Variants in LRP1B observed in about 807,000 individuals in gnomAD.
LRP1B encodes low-density lipoprotein receptor-related protein 1B.
LRP1B carries 217 observed loss-of-function variants against 556.6 expected under a neutral mutation model. That is an observed-to-expected ratio of 0.39 (90% CI 0.35 to 0.44). The LOEUF is 0.44. LRP1B is among the 20% of genes least tolerant of loss of function. LRP1B has a pLI of 1.00. For missense variants in LRP1B, 5,053 were observed against 5,620.8 expected (o/e 0.90, Z 3.23); for synonymous variants, 2,047 against 1,865.8 (o/e 1.10, Z -2.50).
chr2:141,062,017 C>A, intron 8 of LRP1B, 34 bp downstream of exon 8: 1 of 1,557,542 alleles, frequency 6.4e-7, no homozygotes, highest in Non-Finnish European at 8.8e-7. Flanking sequence ...CTTTTTATTA[C>A]CCTAGGAGCG....
intron 41 of LRP1B, among the ~76,000 whole-genome samples, chr2:140,624,935 GTA>G (rs1460099613): frequency 2.0e-5 from 3 of 152,152 alleles, no homozygotes; most frequent in Non-Finnish European, 4.4e-5. Context: ...AAGAAACAGC[GTA>G]TGTCAAAGCT....
At chr2:141,096,690 G>GAGAGAGAA (rs1700331078) in intron 7 of LRP1B, among the ~76,000 whole-genome samples, 1 of 102,036 alleles carries the variant, frequency 9.8e-6, no homozygotes, top group Non-Finnish European at 2.1e-5. Context: ...GAGAGAGAGA[G>GAGAGAGAA]AAAATAAATA....
chr2:140,795,978 C>G (rs891909900), intron 32 of LRP1B, among the ~76,000 whole-genome samples: 2 of 151,968 alleles, frequency 1.3e-5, no homozygotes, highest in Non-Finnish European at 2.9e-5. Context: ...ATTTTCCACT[C>G]TAAACACTGT....
chr2:140,667,789 A>T (rs916250416), intron 41 of LRP1B, among the ~76,000 whole-genome samples: 4 of 152,154 alleles, frequency 2.6e-5, no homozygotes, highest in Non-Finnish European at 5.9e-5. Context: ...GCTCTGTAAG[A>T]CATTAATTAC....
Position 141,136,740 on chromosome 2 carries a change from G to A in LRP1B, c.1013+51681C>T, listed in dbSNP as rs146913117. Among the ~76,000 whole-genome samples the A allele has an allele frequency of 3.5e-4, 53 of 151,704 alleles. No individual in the cohort carries two copies. In the East Asian group the frequency reaches 9.5e-3, roughly 27 times the overall value. ...ATTAGCTACATAAATTGCTATTAAT[G>A]CCCTGAAACTGCCAATTAGGGAGGA... On this transcript the variant is annotated intron_variant, in intron 7 of 90. Transcript: ENST00000389484.
intron 6 of LRP1B, among the ~76,000 whole-genome samples, chr2:141,212,247 A>G (rs1682588554): frequency 1.3e-5 from 1 of 79,546 alleles, no homozygotes; most frequent in East Asian, 6.0e-4. Flanking sequence ...CAAAAAGTCT[A>G]GATTTTTTTT....
intron 1 of LRP1B, among the ~76,000 whole-genome samples, chr2:141,889,316 G>A (rs563726974): frequency 3.3e-5 from 5 of 152,252 alleles, no homozygotes; most frequent in Admixed American, 1.3e-4. Flanking sequence ...TGATAAGAAT[G>A]CTGTTTCTAA....
chr2:140,885,381 T>C (rs1436390847), intron 24 of LRP1B, among the ~76,000 whole-genome samples: 2 of 150,498 alleles, frequency 1.3e-5, no homozygotes, highest in Non-Finnish European at 3.0e-5. Flanking sequence ...TGAGATAAAG[T>C]ATTCTGTTGC....
chr2:141,121,137 G>T (rs1701037119), intron 7 of LRP1B, among the ~76,000 whole-genome samples: 1 of 151,998 alleles, frequency 6.6e-6, no homozygotes, highest in African/African-American at 2.4e-5. Flanking sequence ...GTAAATCTCA[G>T]TTTCCTCATC....
At chr2:140,510,454 T>C (rs1689603615) in intron 51 of LRP1B, among the ~76,000 whole-genome samples, 1 of 152,226 alleles carries the variant, frequency 6.6e-6, no homozygotes, top group Non-Finnish European at 1.5e-5. Flanking sequence ...CTTAACATAT[T>C]AACTCATTTA....
chr2:140,472,375 C>T (rs1156229163), intron 60 of LRP1B, among the ~76,000 whole-genome samples: 2 of 152,042 alleles, frequency 1.3e-5, no homozygotes, highest in East Asian at 1.9e-4. Flanking sequence ...ATTAATATTA[C>T]ATCATATGTT....
At chr2:141,158,438 T>C (rs977045543) in intron 7 of LRP1B, among the ~76,000 whole-genome samples, 4 of 152,144 alleles carry the variant, frequency 2.6e-5, no homozygotes, top group African/African-American at 9.6e-5. Context: ...GACAAATCAG[T>C]GAAGCAGAGA....
intron 47 of LRP1B, among the ~76,000 whole-genome samples, chr2:140,530,990 T>C (rs761632747): frequency 1.3e-5 from 2 of 152,138 alleles, no homozygotes; most frequent in Admixed American, 1.3e-4. Context: ...AATCTATTTA[T>C]ATTTTAGAAG....
intron 41 of LRP1B, among the ~76,000 whole-genome samples, chr2:140,696,531 C>A (rs1686435447): frequency 6.6e-6 from 1 of 151,992 alleles, no homozygotes; most frequent in African/African-American, 2.4e-5. Flanking sequence ...TAATTTAAGA[C>A]AAAAATCATT....
chr2:141,008,162 A>T (rs1442264489), intron 14 of LRP1B, among the ~76,000 whole-genome samples: 2 of 151,402 alleles, frequency 1.3e-5, no homozygotes, highest in Non-Finnish European at 3.0e-5. Context: ...GGTGCTAAAA[A>T]TTTTTATACC....
At chr2:141,255,439 G>C (rs1684424397) in intron 3 of LRP1B, among the ~76,000 whole-genome samples, 1 of 151,984 alleles carries the variant, frequency 6.6e-6, no homozygotes, top group African/African-American at 2.4e-5. Flanking sequence ...ATTGATATTT[G>C]CCAAGAGTTT....
rs376962554 is a variant in LRP1B, at chr2:142,090,643, C to G, written c.82+40005G>C. Among the ~76,000 whole-genome samples, 7 of 152,166 alleles carry G rather than the reference C, an allele frequency of 4.6e-5. No individual in the cohort carries two copies. The South Asian group carries it at 1.5e-3, about 32-fold the overall frequency. On this transcript the variant is annotated intron_variant, in intron 1 of 90. Transcript: ENST00000389484. ...AAGTGTGTGAATTATTTATATGAATCATATGAAACTATGAAACAAGAATAT... is the reference window on the plus strand; with the variant it reads ...AAGTGTGTGAATTATTTATATGAATGATATGAAACTATGAAACAAGAATAT...
chr2:140,257,746 T>A (rs1381193110), intron 86 of LRP1B, among the ~76,000 whole-genome samples: 1 of 152,156 alleles, frequency 6.6e-6, no homozygotes, highest in East Asian at 1.9e-4. Context: ...AGAAAGCAAA[T>A]CAGGGACATA....
intron 3 of LRP1B, among the ~76,000 whole-genome samples, chr2:141,407,392 C>G (rs900035780): frequency 2.0e-5 from 3 of 151,936 alleles, no homozygotes; most frequent in Non-Finnish European, 4.4e-5. Context: ...AAATCAAGAC[C>G]GTTATTCAAA....
Sources: gnomAD v4.1 joint callset for allele counts (sites outside exome capture counted in the v4.1 genomes callset) on GRCh38, gnomAD v4.1.1 for gene constraint, MANE v1.5 for transcripts, NCBI Gene and HGNC (gene_info 2026-07-23, HGNC 2026-07-21) for gene names.